The following DCAF6 variants were observed in gnomAD, a reference collection of about 807,000 sequenced individuals.
The protein encoded by DCAF6 is DDB1 and CUL4 associated factor 6, also known as DDB1- and CUL4-associated factor 6.
A neutral mutation model predicts 125.1 loss-of-function variants in DCAF6; 54 were observed. The ratio of observed to expected loss-of-function variants is 0.43; its 90% CI spans 0.35 to 0.54. The LOEUF (loss-of-function observed/expected upper bound fraction) is 0.54, where lower values mean the gene tolerates loss of function less well. DCAF6 is among the 20% of genes least tolerant of loss of function. The pLI, the probability that DCAF6 is intolerant of heterozygous loss-of-function variation, is 0.01. For missense variants in DCAF6, 934 were observed against 1,161.7 expected (o/e 0.80, Z 2.85); for synonymous variants, 371 against 390.4 (o/e 0.95, Z 0.58).
chr1:167,919,084 A>G, the DCAF6 span, among the ~76,000 whole-genome samples: 3 of 152,258 alleles, frequency 2.0e-5, no homozygotes, highest in African/African-American at 7.2e-5. Context: ...TAAGAATAAG[A>G]TCAACAGGTA....
At chr1:168,062,957 G>C (rs2101951869) in intron 17 of DCAF6, among the ~76,000 whole-genome samples, 1 of 150,230 alleles carries the variant, frequency 6.7e-6, no homozygotes, top group African/African-American at 2.4e-5. Context: ...TGTCACCCAG[G>C]CTGGAGTGCA....
intron 12 of DCAF6, among the ~76,000 whole-genome samples, chr1:168,025,081 A>G (rs537577093): frequency 1.3e-5 from 2 of 152,314 alleles, no homozygotes; most frequent in African/African-American, 4.8e-5. Flanking sequence ...TAACTACTCT[A>G]TAATTAAAGG....
Position 168,012,369 on chromosome 1 carries a change from G to A in DCAF6, c.1379-3412G>A, listed in dbSNP as rs577072146. Among the ~76,000 whole-genome samples, 9 of 152,292 alleles carry A rather than the reference G, an allele frequency of 5.9e-5. No homozygotes were observed. The South Asian group carries it at 1.9e-3, about 32-fold the overall frequency. On this transcript the variant is annotated intron_variant, in intron 10 of 21. Coordinates refer to ENST00000367840, the MANE Select transcript of DCAF6 (RefSeq NM_001198956.2). ...AATCTTTCAGAAGAAAACAAGAATAGGGTTTGTAGTTTGAGGAGATGACAA... is the reference window on the plus strand; with the variant it reads ...AATCTTTCAGAAGAAAACAAGAATAAGGTTTGTAGTTTGAGGAGATGACAA...
chr1:167,863,750 C>T, the DCAF6 span, among the ~76,000 whole-genome samples: 1 of 152,244 alleles, frequency 6.6e-6, no homozygotes, highest in South Asian at 2.1e-4. Flanking sequence ...CTCGCCAGAG[C>T]AGTGTGTGGC....
the DCAF6 span, among the ~76,000 whole-genome samples, chr1:167,891,360 T>A: frequency 6.6e-6 from 1 of 151,352 alleles, no homozygotes; most frequent in African/African-American, 2.4e-5. Context: ...ACAGGGAAAA[T>A]AAAGGAGAGT....
intron 14 of DCAF6, 41 bp downstream of exon 14, chr1:168,043,181 A>G (rs765744799): frequency 1.1e-5 from 15 of 1,426,660 alleles, no homozygotes; most frequent in Admixed American, 1.7e-5. Flanking sequence ...AAATTGCAGC[A>G]TTGGATGTTT....
intron 12 of DCAF6, among the ~76,000 whole-genome samples, chr1:168,033,408 C>T (rs1230621283): frequency 2.0e-5 from 3 of 151,554 alleles, no homozygotes; most frequent in African/African-American, 2.4e-5. Flanking sequence ...CTCCGCCTCC[C>T]GGGTTCACGC....
chr1:167,868,226 G>A, the DCAF6 span, among the ~76,000 whole-genome samples: 8,366 of 152,084 alleles, frequency 0.055, 688 homozygotes, highest in African/African-American at 0.18. Context: ...CTCATGTTAC[G>A]TTTGTGGAGA....
the DCAF6 span, among the ~76,000 whole-genome samples, chr1:167,905,610 A>G: frequency 2.6e-5 from 4 of 152,102 alleles, no homozygotes; most frequent in African/African-American, 9.7e-5. Context: ...AAAAAAAAAA[A>G]AAGTGTAGAT....
intron 1 of DCAF6, among the ~76,000 whole-genome samples, chr1:167,942,407 T>C (rs1196753836): frequency 6.6e-6 from 1 of 152,108 alleles, no homozygotes; most frequent in African/African-American, 2.4e-5. Context: ...TGAGTATCTT[T>C]TGTGGCTTTT....
At chr1:167,863,590 C>T in the DCAF6 span, among the ~76,000 whole-genome samples, 14 of 152,096 alleles carry the variant, frequency 9.2e-5, no homozygotes, top group Non-Finnish European at 1.6e-4. Context: ...GTTCCCTGAC[C>T]GGGAAGCAAG....
chr1:168,002,111 TTAAC>T (rs1682729321), intron 7 of DCAF6, among the ~76,000 whole-genome samples: 1 of 152,146 alleles, frequency 6.6e-6, no homozygotes, highest in African/African-American at 2.4e-5. Context: ...TGTGGGTAAT[TTAAC>T]TAGACTATAT....
At chr1:167,977,203 C>A (rs1315937613) in intron 4 of DCAF6, among the ~76,000 whole-genome samples, 1 of 149,366 alleles carries the variant, frequency 6.7e-6, no homozygotes, top group Non-Finnish European at 1.5e-5. Context: ...CGTGCCTGGG[C>A]CACAGTTTTT....
intron 4 of DCAF6, among the ~76,000 whole-genome samples, chr1:167,979,789 A>T (rs1038901702): frequency 3.3e-5 from 5 of 152,180 alleles, no homozygotes; most frequent in Admixed American, 2.6e-4. Context: ...CAGGAGGCTG[A>T]GGCAGGAGAA....
At chr1:167,903,938 C>T in the DCAF6 span, 1 of 1,613,912 alleles carries the variant, frequency 6.2e-7, no homozygotes, top group African/African-American at 1.3e-5. Context: ...AACTGCTCAG[C>T]CCCTCTGTCC....
chr1:167,923,509 C>G, the DCAF6 span, among the ~76,000 whole-genome samples: 1 of 152,022 alleles, frequency 6.6e-6, no homozygotes, highest in South Asian at 2.1e-4. Context: ...TTCATAGAGA[C>G]AGAAGGTAGA....
the DCAF6 span, among the ~76,000 whole-genome samples, chr1:167,915,711 A>G: frequency 1.3e-5 from 2 of 152,114 alleles, no homozygotes; most frequent in African/African-American, 4.8e-5. Context: ...TCGGCCTCTC[A>G]AAGTGCTGGG....
At chr1:167,897,589 T>A in the DCAF6 span, among the ~76,000 whole-genome samples, 76 of 76 alleles carry the variant, frequency 1, 38 homozygotes, top group Non-Finnish European at 1. Flanking sequence ...CATCAGGCAG[T>A]GCTAACCAGA....
intron 17 of DCAF6, among the ~76,000 whole-genome samples, chr1:168,058,779 G>C (rs1691221419): frequency 6.6e-6 from 1 of 152,140 alleles, no homozygotes; most frequent in African/African-American, 2.4e-5. Context: ...ATGTTAGTCA[G>C]GCTGGTCTTG....
Sources: allele counts gnomAD v4.1 joint callset (sites outside exome capture counted in the v4.1 genomes callset), GRCh38; gene constraint gnomAD v4.1.1; transcripts MANE v1.5; gene names NCBI Gene and HGNC (gene_info 2026-07-23, HGNC 2026-07-21).